Variants in NIPSNAP2 observed in about 807,000 individuals in gnomAD.
The protein encoded by NIPSNAP2 is nipsnap homolog 2, also known as protein NipSnap homolog 2.
NIPSNAP2 carries 42 observed loss-of-function variants against 48.4 expected under a neutral mutation model. The ratio of observed to expected loss-of-function variants is 0.87; its 90% CI spans 0.68 to 1.12. The LOEUF (loss-of-function observed/expected upper bound fraction) is 1.12. Among genes scored for constraint, NIPSNAP2 ranks in the 50% most tolerant of loss-of-function variants. NIPSNAP2 has a pLI of 0.00. For synonymous variants in NIPSNAP2, 158 were observed against 126.6 expected (o/e 1.25, Z -1.67); for missense variants, 314 against 347.3 (o/e 0.90, Z 0.76).
intron 7 of NIPSNAP2, among the ~76,000 whole-genome samples, chr7:55,989,401 G>C (rs1029286338): frequency 6.6e-6 from 1 of 152,122 alleles, no homozygotes; most frequent in Non-Finnish European, 1.5e-5. Flanking sequence ...GAGGTGGGAG[G>C]ATCCCTTGAG....
At chr7:55,975,803 C>G (rs527608884) in intron 1 of NIPSNAP2, among the ~76,000 whole-genome samples, 1 of 152,020 alleles carries the variant, frequency 6.6e-6, no homozygotes, top group African/African-American at 2.4e-5. Context: ...TTTGGGAGGC[C>G]GAGGTGGGCA....
intron 1 of NIPSNAP2, among the ~76,000 whole-genome samples, chr7:55,967,468 G>T (rs1263396947): frequency 3.3e-5 from 5 of 151,866 alleles, no homozygotes; most frequent in Admixed American, 2.0e-4. Context: ...GATGACTAAA[G>T]AATTTTTTTT....
At chr7:55,995,102 G>A (rs926177623) in intron 8 of NIPSNAP2, 114 bp downstream of exon 8, 11 of 825,586 alleles carry the variant, frequency 1.3e-5, no homozygotes, top group Admixed American at 4.0e-5. Flanking sequence ...CAAATCCGAC[G>A]TCACAGAGGG....
Position 55,998,992 on chromosome 7 carries a change from C to T in NIPSNAP2, c.797-16C>T, listed in dbSNP as rs1411803777. On this transcript the variant is annotated splice_polypyrimidine_tract_variant and intron_variant, in intron 9 of 9. Coordinates refer to ENST00000322090, the MANE Select transcript of NIPSNAP2 (RefSeq NM_001483.3). ...TTAGAAAGTAACAAGTGCAGTAACC[C>T]TGATCTTGTTTTCAGTTCCACTTAT... 8 of 1,611,444 alleles carry T rather than the reference C, an allele frequency of 5.0e-6. No homozygotes were observed. The South Asian group carries it at 8.8e-5, about 18-fold the overall frequency.
At chr7:55,988,715 C>T (rs557816777) in intron 7 of NIPSNAP2, among the ~76,000 whole-genome samples, 27 of 152,014 alleles carry the variant, frequency 1.8e-4, no homozygotes, top group African/African-American at 4.3e-4. Flanking sequence ...ATACCAAAAA[C>T]GTAGCCGGGC....
At position 55,970,331 on chromosome 7, in the gene NIPSNAP2, C is replaced by T. The variant is rs1335193703; in HGVS notation, c.92+5630C>T. 4.2e-5 allele frequency among the ~76,000 whole-genome samples: 6 copies of T among 142,318 alleles called. No individual in the cohort carries two copies. In the South Asian group the frequency reaches 6.7e-4, roughly 16 times the overall value. The allele number at this position is 142,318 out of a possible 152,430, so 93.4% of individuals were successfully genotyped here. ...TAGATTTTTTTTTTTTTTTTTGAAA[C>T]GGAGTCTTGCACTCTTGCCCAGGCT... On this transcript the variant is annotated intron_variant, in intron 1 of 9. Coordinates refer to ENST00000322090, the MANE Select transcript of NIPSNAP2 (RefSeq NM_001483.3).
At chr7:55,995,442 A>G (rs1044597126) in intron 8 of NIPSNAP2, among the ~76,000 whole-genome samples, 1 of 151,940 alleles carries the variant, frequency 6.6e-6, no homozygotes, top group Non-Finnish European at 1.5e-5. Context: ...TTCCATCCCC[A>G]CACACTTTTG....
chr7:55,965,937 G>A (rs946675924), intron 1 of NIPSNAP2, among the ~76,000 whole-genome samples: 1 of 152,178 alleles, frequency 6.6e-6, no homozygotes, highest in Non-Finnish European at 1.5e-5. Flanking sequence ...TAAGGGTAGT[G>A]GCCAGCTGAG....
At chr7:55,988,717 T>C (rs1787382614) in intron 7 of NIPSNAP2, among the ~76,000 whole-genome samples, 1 of 152,000 alleles carries the variant, frequency 6.6e-6, no homozygotes, top group Non-Finnish European at 1.5e-5. Flanking sequence ...ACCAAAAACG[T>C]AGCCGGGCAT....
chr7:55,992,416 A>G (rs1295667477), intron 7 of NIPSNAP2, among the ~76,000 whole-genome samples: 3 of 151,940 alleles, frequency 2.0e-5, no homozygotes, highest in African/African-American at 7.2e-5. Context: ...CTCGAGCCCA[A>G]GAGTTCCAGA....
At position 55,999,174 on chromosome 7, in the gene NIPSNAP2, A is replaced by G. The variant is rs2116386283; in HGVS notation, c.*102A>G. On this transcript the variant is annotated 3_prime_UTR_variant, in exon 10 of 10. Transcript: ENST00000322090. Reference sequence around the variant, plus strand: ...AGTGAAAAAGAAACACTGAGGTTTTAAGCTGCTGTATATAGCTTGTGAGAA... The same window carrying G: ...AGTGAAAAAGAAACACTGAGGTTTTGAGCTGCTGTATATAGCTTGTGAGAA... The G allele has an allele frequency of 3.2e-6, 3 of 950,712 alleles. No individual in the cohort carries two copies. In the East Asian group the frequency reaches 7.2e-5, roughly 23 times the overall value. 58.9% of individuals were successfully genotyped at this position (950,712 alleles called of 1,614,324 possible).
At chr7:55,973,030 C>T (rs1231413495) in intron 1 of NIPSNAP2, among the ~76,000 whole-genome samples, 24 of 151,864 alleles carry the variant, frequency 1.6e-4, no homozygotes, top group Admixed American at 1.6e-3. Flanking sequence ...AGCTTGAACC[C>T]GGGAGGTCGA....
Position 55,981,720 on chromosome 7 carries a change from C to T in NIPSNAP2, c.373+153C>T, listed in dbSNP as rs568766236. The T allele has an allele frequency of 8.8e-4, 487 of 550,708 alleles. 1 individual carries two copies. Among genetic ancestry groups the T allele is most frequent in the African/African-American group, 8.5e-3 (445 of 52,338 alleles). The allele number at this position is 550,708 out of a possible 1,614,324, so 34.1% of individuals were successfully genotyped here. A position where few individuals can be genotyped will look rare whatever the true frequency, so the allele number is the denominator to read the frequency against. On this transcript the variant is annotated intron_variant, in intron 4 of 9. Coordinates refer to ENST00000322090, the MANE Select transcript of NIPSNAP2 (RefSeq NM_001483.3). ...AAGTAGTTTCTTCAACAATTCATTG[C>T]GAAAATGGTTTTAAAATTGTTTTTA...
At position 55,999,955 on chromosome 7, in the gene NIPSNAP2, T is replaced by C. The variant is rs1168535121; in HGVS notation, c.*883T>C. ...GTTGAGATTTAAATTGGCATAAAGC[T>C]GCATACTTTTTGTCTAGCTGTTTGA... On this transcript the variant is annotated 3_prime_UTR_variant, in exon 10 of 10. Transcript: ENST00000322090. 2 of 152,646 alleles carry C rather than the reference T, an allele frequency of 1.3e-5. No individual in the cohort carries two copies. The highest frequency in any genetic ancestry group is 2.4e-5 in the African/African-American group (1 of 41,458). 9.5% of individuals were successfully genotyped at this position (152,646 alleles called of 1,614,324 possible).
At chr7:55,995,093 A>G in intron 8 of NIPSNAP2, 105 bp downstream of exon 8, 1 of 902,682 alleles carries the variant, frequency 1.1e-6, no homozygotes, top group Middle Eastern at 2.5e-4. Flanking sequence ...CCACTACAGC[A>G]AATCCGACGT....
intron 1 of NIPSNAP2, among the ~76,000 whole-genome samples, chr7:55,977,490 T>C (rs1388886220): frequency 6.6e-6 from 1 of 152,228 alleles, no homozygotes; most frequent in Non-Finnish European, 1.5e-5. Flanking sequence ...ATATTTTTAT[T>C]GTGGTAAAAC....
intron 7 of NIPSNAP2, among the ~76,000 whole-genome samples, chr7:55,990,231 CTT>C (rs568097360): frequency 5.1e-5 from 7 of 136,548 alleles, no homozygotes; most frequent in Admixed American, 1.5e-4. Context: ...TGTTTCTTTT[CTT>C]TTTTTTTTTT....
At chr7:55,980,409 CCCTTGGT>C (rs1434266844) in intron 3 of NIPSNAP2, 16 of 152,696 alleles carry the variant, frequency 1.0e-4, no homozygotes, top group African/African-American at 3.9e-4. Flanking sequence ...TACTTACATA[CCCTTGGT>C]CCTGTAGCCC....
chr7:55,964,630 C>T lies in NIPSNAP2; in HGVS notation c.21C>T (p.Arg7=), dbSNP rs949217496. 4.7e-6 allele frequency: 5 copies of T among 1,062,542 alleles called. No homozygotes were observed. The African/African-American group carries it at 6.8e-5, about 14-fold the overall frequency. 65.8% of individuals were successfully genotyped at this position (1,062,542 alleles called of 1,614,324 possible). A position where few individuals can be genotyped will look rare whatever the true frequency, so the allele number is the denominator to read the frequency against. Reference sequence around the variant, plus strand: ...GCAAGATGGCGGCGCGAGTGCTGCGCGCCCGCGGAGCGGCCTGGGCCGGCG... The same window carrying T: ...GCAAGATGGCGGCGCGAGTGCTGCGTGCCCGCGGAGCGGCCTGGGCCGGCG... MAARVL[R]ARGAAWAGGL... The change falls in exon 1 of 10, where the codon CGC becomes CGT. Residue 7 remains arginine (R), a synonymous_variant. Coordinates refer to ENST00000322090, the MANE Select transcript of NIPSNAP2 (RefSeq NM_001483.3).
Sources: gnomAD v4.1 joint callset for allele counts (sites outside exome capture counted in the v4.1 genomes callset) on GRCh38, gnomAD v4.1.1 for gene constraint, MANE v1.5 for transcripts, NCBI Gene and HGNC (gene_info 2026-07-23, HGNC 2026-07-21) for gene names.